Variants in DLC1 observed in about 807,000 individuals in gnomAD.
The protein encoded by DLC1 is rho GTPase-activating protein 7.
A neutral mutation model predicts 140.3 loss-of-function variants in DLC1; 54 were observed. The observed-to-expected ratio is 0.38, with a 90% CI of 0.31 to 0.48. The LOEUF is 0.48. Among genes scored for constraint, DLC1 ranks in the 20% least tolerant of loss-of-function variants. DLC1 has a pLI of 0.96. For synonymous variants in DLC1, 986 were observed against 728.1 expected (o/e 1.35, Z -5.70); for missense variants, 2,536 against 1,907.0 (o/e 1.33, Z -6.14).
chr8:13,275,508 T>G (rs2117401074), intron 5 of DLC1, among the ~76,000 whole-genome samples: 1 of 152,266 alleles, frequency 6.6e-6, no homozygotes, highest in East Asian at 1.9e-4. Flanking sequence ...CCATAAACGC[T>G]ATTGGGAAAC....
intron 4 of DLC1, 138 bp from the exon 5 acceptor site, chr8:13,305,440 A>G (rs1832381576): frequency 1.3e-6 from 1 of 782,960 alleles, no homozygotes; most frequent in Non-Finnish European, 2.0e-6. Context: ...TTTTGGAACT[A>G]TCAGTAAAAT....
intron 4 of DLC1, among the ~76,000 whole-genome samples, chr8:13,316,885 C>G (rs974185284): frequency 6.6e-6 from 1 of 152,116 alleles, no homozygotes; most frequent in Non-Finnish European, 1.5e-5. Context: ...CTCAAATAAT[C>G]TTATGTTAAG....
intron 5 of DLC1, among the ~76,000 whole-genome samples, chr8:13,129,310 C>G (rs911628398): frequency 1.3e-5 from 2 of 152,146 alleles, no homozygotes; most frequent in Admixed American, 1.3e-4. Flanking sequence ...TGAAAGTGCT[C>G]CAGAAAAGCA....
At position 13,364,443 on chromosome 8, in the gene DLC1, C is replaced by T. The variant is rs540353384; in HGVS notation, c.1314+29110G>A. Among the ~76,000 whole-genome samples the T allele has an allele frequency of 2.0e-5, 3 of 152,234 alleles. No homozygotes were observed. In the East Asian group the frequency reaches 5.8e-4, roughly 29 times the overall value. The stretch of plus-strand genomic sequence containing the variant: ...CCTCCTGAGTAGCTGAGATTACAGG[C>T]ATGTGCCACCACGCCAGGCTAATTT... On this transcript the variant is annotated intron_variant, in intron 4 of 17. Coordinates refer to ENST00000276297, the MANE Select transcript of DLC1 (RefSeq NM_182643.3).
At chr8:13,103,134 C>T (rs1819242195) in intron 7 of DLC1, among the ~76,000 whole-genome samples, 1 of 151,730 alleles carries the variant, frequency 6.6e-6, no homozygotes, top group South Asian at 2.1e-4. Flanking sequence ...CACGGTGAAA[C>T]CCCGTCTCTA....
chr8:13,564,370 A>G (rs925687455), intron 1 of DLC1, among the ~76,000 whole-genome samples: 2 of 152,228 alleles, frequency 1.3e-5, no homozygotes, highest in African/African-American at 2.4e-5. Flanking sequence ...TTCTTGTCAC[A>G]TTCAACTTAG....
chr8:13,597,099 C>T (rs1379229377), intron 1 of DLC1, among the ~76,000 whole-genome samples: 4 of 151,826 alleles, frequency 2.6e-5, no homozygotes, highest in Non-Finnish European at 5.9e-5. Context: ...TCCACTTGGA[C>T]TTTGACTGGC....
intron 4 of DLC1, among the ~76,000 whole-genome samples, chr8:13,382,505 CAAAAAAAAAAAA>C (rs71207149): frequency 2.3e-3 from 80 of 35,526 alleles, no homozygotes; most frequent in Admixed American, 9.1e-3. Context: ...GACTCCGTCT[CAAAAAAAAAAAA>C]AAAAAAAAAA....
At chr8:13,105,163 A>G (rs1383261670) in intron 7 of DLC1, among the ~76,000 whole-genome samples, 1 of 152,156 alleles carries the variant, frequency 6.6e-6, no homozygotes, top group Non-Finnish European at 1.5e-5. Context: ...TAGTCAAACT[A>G]AAAAGACCCA....
At chr8:13,557,232 C>G (rs2062053) in intron 1 of DLC1, among the ~76,000 whole-genome samples, 120,982 of 151,952 alleles carry the variant, frequency 0.8, 48,481 homozygotes, top group East Asian at 0.96. Context: ...TTTATTCGTA[C>G]TCTGAAAAAG....
chr8:13,313,070 C>G (rs1832744445), intron 4 of DLC1, among the ~76,000 whole-genome samples: 1 of 152,110 alleles, frequency 6.6e-6, no homozygotes, highest in African/African-American at 2.4e-5. Context: ...GTGAAATGCT[C>G]CTTCTCACAG....
At chr8:13,334,303 T>A (rs1315438114) in intron 4 of DLC1, among the ~76,000 whole-genome samples, 3 of 152,028 alleles carry the variant, frequency 2.0e-5, no homozygotes, top group Admixed American at 6.6e-5. Context: ...CTAGTGTCAC[T>A]GCTAGCACAG....
At chr8:13,475,540 A>C (rs1481698) in intron 2 of DLC1, among the ~76,000 whole-genome samples, 140,841 of 152,220 alleles carry the variant, frequency 0.93, 65,737 homozygotes, top group East Asian at 1. Context: ...GAATAAAATA[A>C]CCTATTCTGA....
At chr8:13,386,062 T>G (rs747462057) in intron 4 of DLC1, among the ~76,000 whole-genome samples, 1 of 152,174 alleles carries the variant, frequency 6.6e-6, no homozygotes, top group Non-Finnish European at 1.5e-5. Context: ...CAGAAGTAAC[T>G]GGCAGTTGTT....
chr8:13,085,576 ATTTTTTT>A lies in DLC1; in HGVS notation c.*228_*234del. On this transcript the variant is annotated 3_prime_UTR_variant, in exon 18 of 18. Coordinates refer to ENST00000276297, the MANE Select transcript of DLC1 (RefSeq NM_182643.3). ...GCAATTTGAATAAGAATACACATAA[ATTTTTTT>A]TTTTTTTTTGCACAGTCTTACATAT... 6.3e-6 allele frequency: 2 copies of A among 315,710 alleles called. No homozygotes were observed. Among genetic ancestry groups the A allele is most frequent in the Non-Finnish European group, 1.1e-5 (2 of 182,248 alleles). The allele number at this position is 315,710 out of a possible 1,614,324, so 19.6% of individuals were successfully genotyped here. A position where few individuals can be genotyped will look rare whatever the true frequency, so the allele number is the denominator to read the frequency against.
At chr8:13,472,470 T>G (rs561186614) in intron 2 of DLC1, among the ~76,000 whole-genome samples, 2 of 152,340 alleles carry the variant, frequency 1.3e-5, no homozygotes, top group Non-Finnish European at 2.9e-5. Context: ...GCGTAGAAAT[T>G]CATTCCATAT....
chr8:13,251,646 A>G (rs1391776735), intron 5 of DLC1, among the ~76,000 whole-genome samples: 1 of 152,120 alleles, frequency 6.6e-6, no homozygotes, highest in African/African-American at 2.4e-5. Context: ...GTAAAATACA[A>G]TTGAATCTTG....
At chr8:13,452,945 A>G (rs1187306687) in intron 2 of DLC1, among the ~76,000 whole-genome samples, 1 of 152,156 alleles carries the variant, frequency 6.6e-6, no homozygotes. Flanking sequence ...TTGTAATTAA[A>G]TAACAATAGT....
At chr8:13,122,544 C>T (rs1019786560) in intron 5 of DLC1, among the ~76,000 whole-genome samples, 1 of 151,894 alleles carries the variant, frequency 6.6e-6, no homozygotes, top group African/African-American at 2.4e-5. Flanking sequence ...AGACTGAAAA[C>T]GATGACTTGA....
Sources: allele counts gnomAD v4.1 joint callset (sites outside exome capture counted in the v4.1 genomes callset), GRCh38; gene constraint gnomAD v4.1.1; transcripts MANE v1.5; gene names NCBI Gene and HGNC (gene_info 2026-07-23, HGNC 2026-07-21).